RABEP1: variants seen among roughly 807,000 people sequenced by gnomAD.
RABEP1 encodes the protein rab GTPase-binding effector protein 1.
Under a neutral mutation model 123.4 loss-of-function variants are expected in RABEP1, and 51 were observed. The observed-to-expected ratio is 0.41, with a 90% confidence interval of 0.33 to 0.52. The LOEUF (loss-of-function observed/expected upper bound fraction) is 0.52, where lower values mean the gene tolerates loss of function less well. Ranked by LOEUF, RABEP1 falls within the 20% of genes least tolerant of loss-of-function variation. The probability of loss-of-function intolerance (pLI) is 0.16; values close to 1 mark genes in which losing one functional copy is unlikely to be tolerated. For missense variants in RABEP1, 888 were observed against 996.3 expected (o/e 0.89, Z 1.46); for synonymous variants, 347 against 355.2 (o/e 0.98, Z 0.26).
intron 2 of RABEP1, among the ~76,000 whole-genome samples, chr17:5,327,645 C>A (rs1184377103): frequency 6.6e-6 from 1 of 152,098 alleles, no homozygotes; most frequent in African/African-American, 2.4e-5. Context: ...CTGGCTGGTG[C>A]ATACATGAAT....
chr17:5,353,667 G>GT (rs1007802006), intron 7 of RABEP1, among the ~76,000 whole-genome samples: 4 of 152,144 alleles, frequency 2.6e-5, no homozygotes, highest in Middle Eastern at 3.4e-3. Flanking sequence ...GGACAACAGC[G>GT]TGAGACCCCA....
At chr17:5,311,556 C>T (rs1453930874) in intron 2 of RABEP1, among the ~76,000 whole-genome samples, 1 of 151,666 alleles carries the variant, frequency 6.6e-6, no homozygotes, top group African/African-American at 2.4e-5. Context: ...AATTAGAAGG[C>T]ATGTTGGCAT....
At chr17:5,313,348 C>G (rs754416696) in intron 2 of RABEP1, among the ~76,000 whole-genome samples, 5 of 152,158 alleles carry the variant, frequency 3.3e-5, no homozygotes, top group African/African-American at 4.8e-5. Context: ...CCATTTTCTC[C>G]TTTACCTCTT....
At chr17:5,290,233 G>A (rs924592922) in intron 1 of RABEP1, among the ~76,000 whole-genome samples, 27 of 152,034 alleles carry the variant, frequency 1.8e-4, no homozygotes, top group Admixed American at 1.3e-4. Flanking sequence ...GACTACAGGC[G>A]CCCGCCACCA....
chr17:5,323,173 C>A lies in RABEP1; in HGVS notation c.164-8776C>A, dbSNP rs74985394. 3.2e-4 allele frequency among the ~76,000 whole-genome samples: 48 copies of A among 152,274 alleles called. No individual in the cohort carries two copies. In the East Asian group the frequency reaches 8.9e-3, roughly 28 times the overall value. On this transcript the variant is annotated intron_variant, in intron 2 of 17. Coordinates refer to ENST00000537505, the MANE Select transcript of RABEP1 (RefSeq NM_004703.6). Reference sequence around the variant, plus strand: ...ATTCAGCACCTCTTTATGATACAAACCCTCATCAAATTGTGTGTCGAAGGA... The same window carrying A: ...ATTCAGCACCTCTTTATGATACAAAACCTCATCAAATTGTGTGTCGAAGGA...
intron 2 of RABEP1, among the ~76,000 whole-genome samples, chr17:5,309,685 A>G (rs1415398658): frequency 1.3e-5 from 2 of 151,888 alleles, no homozygotes; most frequent in East Asian, 1.9e-4. Context: ...AAGAAACTGT[A>G]TAAGGAAAAT....
intron 2 of RABEP1, among the ~76,000 whole-genome samples, chr17:5,314,498 A>G (rs2075276553): frequency 6.8e-6 from 1 of 147,154 alleles, no homozygotes; most frequent in African/African-American, 2.5e-5. Flanking sequence ...TTCAACTGGG[A>G]ATGTTATAAA....
In RABEP1 at chr17:5,386,077, TA is replaced by T. The variant is rs1196707054; in HGVS notation, c.*2859del. On this transcript the variant is annotated 3_prime_UTR_variant, in exon 18 of 18. Transcript: ENST00000537505. ...CTCAATTATTATAAAACAACATATT[TA>T]AAAAGATGAACCACACCAAAGGTCA... 3.0e-6 allele frequency: 2 copies of T among 656,860 alleles called. No homozygotes were observed. The highest frequency in any genetic ancestry group is 1.9e-5 in the African/African-American group (1 of 53,170). The allele number at this position is 656,860 out of a possible 1,614,324, so 40.7% of individuals were successfully genotyped here.
chr17:5,368,729 C>T (rs1910293123), intron 12 of RABEP1, among the ~76,000 whole-genome samples: 2 of 152,174 alleles, frequency 1.3e-5, no homozygotes, highest in South Asian at 4.1e-4. Context: ...ACAGAATAAA[C>T]TATGGACCTA....
intron 7 of RABEP1, among the ~76,000 whole-genome samples, chr17:5,350,948 T>C (rs933554605): frequency 6.6e-6 from 1 of 152,234 alleles, no homozygotes; most frequent in Admixed American, 6.5e-5. Context: ...AGGTCAAGCT[T>C]GTCCAACCTG....
chr17:5,354,553 A>G, intron 8 of RABEP1, 63 bp downstream of exon 8: 2 of 1,457,322 alleles, frequency 1.4e-6, no homozygotes, highest in South Asian at 1.3e-5. Flanking sequence ...GCTTACTCAT[A>G]CATCAGTTAA....
chr17:5,306,048 CAT>C (rs2075176592), intron 1 of RABEP1, among the ~76,000 whole-genome samples: 1 of 152,182 alleles, frequency 6.6e-6, no homozygotes, highest in Non-Finnish European at 1.5e-5. Flanking sequence ...GGAATGAACA[CAT>C]AGCGATGCTT....
At chr17:5,366,326 G>A (rs1283693999) in intron 11 of RABEP1, among the ~76,000 whole-genome samples, 1 of 152,018 alleles carries the variant, frequency 6.6e-6, no homozygotes, top group Non-Finnish European at 1.5e-5. Flanking sequence ...TCTTTTTATT[G>A]GGTGGTCTGT....
At chr17:5,310,546 CTGACCTTGT>C in intron 2 of RABEP1, among the ~76,000 whole-genome samples, 1 of 151,888 alleles carries the variant, frequency 6.6e-6, no homozygotes, top group South Asian at 2.1e-4. Context: ...TCTCAAACTC[CTGACCTTGT>C]GATCCGCCCG....
At position 5,381,459 on chromosome 17, in the gene RABEP1, G is replaced by C; in HGVS notation, c.2441G>C (p.Ser814Thr). 1.2e-6 allele frequency: 2 copies of C among 1,613,736 alleles called. No homozygotes were observed. The highest frequency in any genetic ancestry group is 1.7e-6 in the Non-Finnish European group (2 of 1,179,768). The part of the protein sequence containing the change: ...AQRLQTELDV[S>T]EQVQRDFVKL... ...AGATTACAGACAGAATTAGATGTCA[G>C]TGAGCAAGTCCAGAGGGATTTTGTA... The change falls in exon 17 of 18, where the codon AGT becomes ACT. Residue 814 changes from serine to threonine, a missense_variant. Ser to Thr is a moderately conservative substitution (Grantham distance 58). Transcript: ENST00000537505.
At chr17:5,323,830 A>C (rs916101772) in intron 2 of RABEP1, among the ~76,000 whole-genome samples, 1 of 124,760 alleles carries the variant, frequency 8.0e-6, no homozygotes, top group Non-Finnish European at 1.6e-5. Context: ...ATATATATAT[A>C]TATCTAGGAA....
At chr17:5,357,822 A>T (rs72634027) in intron 8 of RABEP1, among the ~76,000 whole-genome samples, 19,196 of 152,228 alleles carry the variant, frequency 0.13, 1,966 homozygotes, top group East Asian at 0.5. Flanking sequence ...AGAGGTGGTC[A>T]GGAGGCAGGA....
chr17:5,311,572 T>C (rs1457079871), intron 2 of RABEP1, among the ~76,000 whole-genome samples: 1 of 151,784 alleles, frequency 6.6e-6, no homozygotes, highest in Non-Finnish European at 1.5e-5. Context: ...GGCATGGGTC[T>C]GTAATCCCAG....
At chr17:5,294,892 G>T (rs376984031) in intron 1 of RABEP1, among the ~76,000 whole-genome samples, 45 of 150,764 alleles carry the variant, frequency 3.0e-4, no homozygotes, top group East Asian at 3.0e-3. Flanking sequence ...GTGATCTGCC[G>T]GCCTCGGCCT....
Sources: gnomAD v4.1 joint callset for allele counts (sites outside exome capture counted in the v4.1 genomes callset) on GRCh38, gnomAD v4.1.1 for gene constraint, MANE v1.5 for transcripts, NCBI Gene and HGNC (gene_info 2026-07-23, HGNC 2026-07-21) for gene names.